The following TMEM74 variants were observed in gnomAD, a reference collection of about 807,000 sequenced individuals.
The protein encoded by TMEM74 is transmembrane protein 74.
TMEM74 carries 13 observed loss-of-function variants against 18.1 expected under a neutral mutation model. That is an observed-to-expected ratio of 0.72 (90% confidence interval 0.47 to 1.14). The LOEUF (loss-of-function observed/expected upper bound fraction) is 1.14, where lower values mean the gene tolerates loss of function less well. Among genes scored for constraint, TMEM74 ranks in the 50% most tolerant of loss-of-function variants. TMEM74 has a pLI of 0.00. For synonymous variants in TMEM74, 159 were observed against 146.6 expected (o/e 1.08, Z -0.61); for missense variants, 372 against 375.9 (o/e 0.99, Z 0.09).
At chr8:108,704,523 A>T (rs1022927102) in intron 1 of TMEM74, among the ~76,000 whole-genome samples, 1 of 151,688 alleles carries the variant, frequency 6.6e-6, no homozygotes, top group Non-Finnish European at 1.5e-5. Flanking sequence ...CTTTATTTAT[A>T]AATTTAGGTC....
intron 1 of TMEM74, among the ~76,000 whole-genome samples, chr8:108,766,694 G>GT (rs1295329068): frequency 1.3e-5 from 2 of 152,156 alleles, no homozygotes; most frequent in Non-Finnish European, 2.9e-5. Context: ...CAATCGCAAG[G>GT]TAAAGTCTCA....
chr8:108,609,932 G>A (rs776004936), intron 2 of TMEM74, among the ~76,000 whole-genome samples: 2 of 152,084 alleles, frequency 1.3e-5, no homozygotes, highest in Non-Finnish European at 2.9e-5. Context: ...CATTGGCTAG[G>A]GTATACCCTA....
chr8:108,755,586 C>G (rs1302808543), intron 1 of TMEM74, among the ~76,000 whole-genome samples: 4 of 152,082 alleles, frequency 2.6e-5, no homozygotes, highest in African/African-American at 9.7e-5. Flanking sequence ...GGACCTAAGT[C>G]TGAGATTTTT....
chr8:108,657,860 ATATATATATATAT>A (rs1354078341), intron 1 of TMEM74, among the ~76,000 whole-genome samples: 5,777 of 45,202 alleles, frequency 0.13, 658 homozygotes, highest in Non-Finnish European at 0.14. Flanking sequence ...AAAAAAAAAA[ATATATATATATAT>A]ATATATATAT....
chr8:108,658,147 T>C (rs897457085), intron 1 of TMEM74, among the ~76,000 whole-genome samples: 5 of 151,628 alleles, frequency 3.3e-5, no homozygotes, highest in Non-Finnish European at 1.5e-5. Flanking sequence ...GTATTGGAAT[T>C]ATGAGCTTAA....
chr8:108,620,603 T>G (rs1346869359), intron 2 of TMEM74, among the ~76,000 whole-genome samples: 1 of 152,336 alleles, frequency 6.6e-6, no homozygotes, highest in East Asian at 1.9e-4. Flanking sequence ...AGCTGGCATT[T>G]AAACTCAGGT....
At chr8:108,634,518 A>G (rs1463176410) in intron 2 of TMEM74, among the ~76,000 whole-genome samples, 1 of 151,962 alleles carries the variant, frequency 6.6e-6, no homozygotes, top group East Asian at 1.9e-4. Context: ...CATCCTGCAG[A>G]ATAAGGCTAC....
intron 1 of TMEM74, among the ~76,000 whole-genome samples, chr8:108,753,098 T>C (rs1353976792): frequency 6.6e-6 from 1 of 152,112 alleles, no homozygotes. Context: ...CTTTTGAACA[T>C]TTTGATTCAT....
chr8:108,652,551 T>C (rs924538703), intron 2 of TMEM74: 4 of 558,542 alleles, frequency 7.2e-6, no homozygotes, highest in East Asian at 3.1e-5. Context: ...CTCAAACAAT[T>C]TGGTTTTCTG....
Position 108,714,599 on chromosome 8 carries a change from C to G in TMEM74, n.120-59162G>C, listed in dbSNP as rs187190588. ...CTGTTGGTGGAAATGTACATTAGTGCAGTTACTGTGGAAAGCAGTTTGAAG... is the reference window on the plus strand; with the variant it reads ...CTGTTGGTGGAAATGTACATTAGTGGAGTTACTGTGGAAAGCAGTTTGAAG... On this transcript the variant is annotated intron_variant and non_coding_transcript_variant, in intron 1 of 3. Coordinates refer to the TMEM74 transcript ENST00000518838. Among the ~76,000 whole-genome samples, 440 of 152,274 alleles carry G rather than the reference C, an allele frequency of 2.9e-3. 3 individuals carry two copies. Among genetic ancestry groups the G allele is most frequent in the Non-Finnish European group, 5.5e-3 (371 of 68,030 alleles).
At chr8:108,764,475 A>C (rs1231339064) in intron 1 of TMEM74, among the ~76,000 whole-genome samples, 1 of 152,188 alleles carries the variant, frequency 6.6e-6, no homozygotes, top group Non-Finnish European at 1.5e-5. Flanking sequence ...AATGAGATTA[A>C]ATAAAAGAGT....
intron 1 of TMEM74, among the ~76,000 whole-genome samples, chr8:108,742,124 C>G (rs2130646775): frequency 6.6e-6 from 1 of 151,956 alleles, no homozygotes; most frequent in Non-Finnish European, 1.5e-5. Flanking sequence ...AAGAAGGGAG[C>G]AACAGACACT....
In TMEM74 at chr8:108,779,769, G is replaced by C. The variant is rs941567772; in HGVS notation, c.*4412C>G. On this transcript the variant is annotated 3_prime_UTR_variant, in exon 2 of 2. Coordinates refer to ENST00000297459, the MANE Select transcript of TMEM74 (RefSeq NM_153015.3). ...ATAGTCCAAATGCACATAGACTTGA[G>C]TGCACATAAATCTGCACACAAACAT... 6.6e-6 allele frequency among the ~76,000 whole-genome samples: 1 copy of C among 152,158 alleles called. No homozygotes were observed. The highest frequency in any genetic ancestry group is 1.9e-4 in the East Asian group (1 of 5,198).
chr8:108,722,217 G>C (rs896679466), intron 1 of TMEM74, among the ~76,000 whole-genome samples: 4 of 152,208 alleles, frequency 2.6e-5, no homozygotes, highest in African/African-American at 7.2e-5. Context: ...CATCTGCAAA[G>C]TCCCTTTTGC....
chr8:108,726,409 G>T (rs1813638868), intron 1 of TMEM74, among the ~76,000 whole-genome samples: 1 of 152,276 alleles, frequency 6.6e-6, no homozygotes, highest in East Asian at 1.9e-4. Flanking sequence ...AGCAATTTAA[G>T]ATTGCAAAAT....
downstream of TMEM74, among the ~76,000 whole-genome samples, chr8:108,776,376 C>T (rs56653817): frequency 3.8e-3 from 585 of 152,264 alleles, 4 homozygotes; most frequent in African/African-American, 0.013. Flanking sequence ...GCCTGTAATC[C>T]CAGCTACTGG....
intron 1 of TMEM74, among the ~76,000 whole-genome samples, chr8:108,697,456 C>T (rs780408696): frequency 2.6e-5 from 4 of 152,146 alleles, no homozygotes; most frequent in African/African-American, 4.8e-5. Flanking sequence ...CTCGCTCTGT[C>T]ATCCAGGCTG....
chr8:108,725,617 G>A (rs1430078238), intron 1 of TMEM74, among the ~76,000 whole-genome samples: 1 of 152,098 alleles, frequency 6.6e-6, no homozygotes, highest in Non-Finnish European at 1.5e-5. Flanking sequence ...TCCTAAGACA[G>A]GTATGTAGTT....
At chr8:108,710,215 A>G (rs1270754620) in intron 1 of TMEM74, among the ~76,000 whole-genome samples, 1 of 152,206 alleles carries the variant, frequency 6.6e-6, no homozygotes, top group African/African-American at 2.4e-5. Flanking sequence ...ATATTCTTAC[A>G]TGTTTTTTCT....
Sources: gnomAD v4.1 joint callset for allele counts (sites outside exome capture counted in the v4.1 genomes callset) on GRCh38, gnomAD v4.1.1 for gene constraint, MANE v1.5 for transcripts, NCBI Gene and HGNC (gene_info 2026-07-23, HGNC 2026-07-21) for gene names.